SPATA18: variants seen among roughly 807,000 people sequenced by gnomAD.
The protein encoded by SPATA18 is mitochondria-eating protein.
A neutral mutation model predicts 68.1 loss-of-function variants in SPATA18; 54 were observed. The ratio of observed to expected loss-of-function variants is 0.79; its 90% CI spans 0.64 to 0.99. The LOEUF (loss-of-function observed/expected upper bound fraction) is 0.99. SPATA18 is among the 50% of genes least tolerant of loss of function. SPATA18 has a pLI of 0.00. For synonymous variants in SPATA18, 242 were observed against 244.8 expected (o/e 0.99, Z 0.11); for missense variants, 724 against 681.1 (o/e 1.06, Z -0.70).
rs759332144 is a variant in SPATA18, at chr4:52,095,125, A to G, written c.*238A>G. Reference sequence around the variant, plus strand: ...CCATTAATTTCATAAAAATGATTGTATAGGCATTTAGGATCATATTCATTC... The same window carrying G: ...CCATTAATTTCATAAAAATGATTGTGTAGGCATTTAGGATCATATTCATTC... On this transcript the variant is annotated 3_prime_UTR_variant, in exon 13 of 13. Coordinates refer to ENST00000295213, the MANE Select transcript of SPATA18 (RefSeq NM_145263.4). 1 of 563,128 alleles carries G rather than the reference A, an allele frequency of 1.8e-6. No individual in the cohort carries two copies. The highest frequency in any genetic ancestry group is 3.1e-6 in the Non-Finnish European group (1 of 320,598). The allele number at this position is 563,128 out of a possible 1,614,324, so 34.9% of individuals were successfully genotyped here.
chr4:52,080,021 T>A, intron 9 of SPATA18, 102 bp downstream of exon 9: 1 of 1,251,722 alleles, frequency 8.0e-7, no homozygotes, highest in South Asian at 1.5e-5. Flanking sequence ...GTGGAGAAAT[T>A]AACAGACACT....
chr4:52,083,333 C>T, intron 10 of SPATA18: 1 of 985,366 alleles, frequency 1.0e-6, no homozygotes, highest in Non-Finnish European at 1.2e-6. Flanking sequence ...TGTTTTATGG[C>T]AGCTTTCACA....
intron 1 of SPATA18, among the ~76,000 whole-genome samples, chr4:52,055,271 C>T (rs1373948022): frequency 6.6e-6 from 1 of 152,212 alleles, no homozygotes; most frequent in Non-Finnish European, 1.5e-5. Flanking sequence ...TTCAGTTCTA[C>T]ACTTATAACG....
intron 4 of SPATA18, among the ~76,000 whole-genome samples, chr4:52,065,321 T>C (rs942171848): frequency 5.3e-5 from 8 of 152,234 alleles, no homozygotes; most frequent in African/African-American, 1.9e-4. Context: ...TTTATTTTGG[T>C]TTTTGTTGCA....
At chr4:52,079,009 G>C in intron 8 of SPATA18, 116 bp downstream of exon 8, 1 of 1,145,780 alleles carries the variant, frequency 8.7e-7, no homozygotes, top group Non-Finnish European at 1.2e-6. Flanking sequence ...TAATGAAAAA[G>C]AAGAAAGGAA....
At chr4:52,061,595 A>T (rs1456683955) in intron 3 of SPATA18, among the ~76,000 whole-genome samples, 2 of 152,012 alleles carry the variant, frequency 1.3e-5, no homozygotes, top group Non-Finnish European at 2.9e-5. Flanking sequence ...CTGCTTGGAG[A>T]TCACTGAGCA....
chr4:52,086,675 T>C (rs1246868473), intron 11 of SPATA18, among the ~76,000 whole-genome samples: 2 of 152,210 alleles, frequency 1.3e-5, no homozygotes, highest in Non-Finnish European at 2.9e-5. Flanking sequence ...TTGATGGGCA[T>C]TTGGGTTGGT....
chr4:52,060,371 C>A, intron 1 of SPATA18, 48 bp from the exon 2 acceptor site: 1 of 1,506,394 alleles, frequency 6.6e-7, no homozygotes, highest in Non-Finnish European at 9.2e-7. Flanking sequence ...TGCAGTGGGT[C>A]CCAGAGTGAA....
chr4:52,060,295 G>A, intron 1 of SPATA18, 124 bp from the exon 2 acceptor site: 1 of 679,614 alleles, frequency 1.5e-6, no homozygotes, highest in Non-Finnish European at 2.6e-6. Flanking sequence ...TGACTACACA[G>A]CAGTCCTGCC....
intron 1 of SPATA18, among the ~76,000 whole-genome samples, chr4:52,056,566 C>G (rs1183930841): frequency 6.6e-6 from 1 of 152,076 alleles, no homozygotes; most frequent in Admixed American, 6.5e-5. Context: ...CTGACTTGTT[C>G]AAACCCAAAC....
chr4:52,094,625 C>G (rs181523856), intron 12 of SPATA18, 53 bp downstream of exon 12: 2 of 1,551,438 alleles, frequency 1.3e-6, no homozygotes, highest in African/African-American at 1.4e-5. Context: ...AATACTCCTT[C>G]TAGTACTTAG....
At chr4:52,089,919 A>C (rs935070291) in intron 11 of SPATA18, among the ~76,000 whole-genome samples, 1 of 152,138 alleles carries the variant, frequency 6.6e-6, no homozygotes, top group Non-Finnish European at 1.5e-5. Context: ...TGGGAGTATA[A>C]GTCTCTTTGT....
At chr4:52,052,239 TGGATTTGTATAAA>T in intron 1 of SPATA18, among the ~76,000 whole-genome samples, 1 of 152,308 alleles carries the variant, frequency 6.6e-6, no homozygotes, top group South Asian at 2.1e-4. Flanking sequence ...TGTATCAGAA[TGGATTTGTATAAA>T]CACACACCCA....
Position 52,060,442 on chromosome 4 carries a change from A to T in SPATA18, c.111A>T (p.Leu37=). Residue 37 remains leucine, a synonymous_variant, in exon 2 of 13, where the codon CTA becomes CTT. Coordinates refer to ENST00000295213, the MANE Select transcript of SPATA18 (RefSeq NM_145263.4). The stretch of plus-strand genomic sequence containing the variant: ...AGACAAACACGTGTGATCAAAATCT[A>T]AACCATTGCCTTGAACTCATTGAGC... ...EYNTNTCDQN[L]NHCLELIEQV... is the part of the protein sequence containing the mutation. 1 of 1,614,006 alleles carries T rather than the reference A, an allele frequency of 6.2e-7. No homozygotes were observed. The highest frequency in any genetic ancestry group is 8.5e-7 in the Non-Finnish European group (1 of 1,179,922).
chr4:52,053,867 G>C (rs1738111455), intron 1 of SPATA18, among the ~76,000 whole-genome samples: 1 of 152,166 alleles, frequency 6.6e-6, no homozygotes, highest in African/African-American at 2.4e-5. Flanking sequence ...TGTCAAGTCA[G>C]ATCAAGTTAC....
At chr4:52,065,614 A>G (rs553600707) in intron 4 of SPATA18, among the ~76,000 whole-genome samples, 8 of 152,160 alleles carry the variant, frequency 5.3e-5, no homozygotes, top group South Asian at 2.1e-4. Context: ...AATTTAAGGT[A>G]TCACTAAAAG....
At chr4:52,092,400 C>T (rs999799337) in intron 11 of SPATA18, among the ~76,000 whole-genome samples, 3 of 152,200 alleles carry the variant, frequency 2.0e-5, no homozygotes, top group East Asian at 1.9e-4. Flanking sequence ...ATGGGACAAG[C>T]GCAGCATCTG....
intron 1 of SPATA18, among the ~76,000 whole-genome samples, chr4:52,059,076 T>A (rs1315728081): frequency 6.6e-6 from 1 of 152,202 alleles, no homozygotes; most frequent in East Asian, 1.9e-4. Context: ...ACAGGGGCAC[T>A]GTAGAATGCA....
intron 11 of SPATA18, among the ~76,000 whole-genome samples, chr4:52,086,975 G>A (rs747903313): frequency 1.3e-5 from 2 of 152,146 alleles, no homozygotes; most frequent in Non-Finnish European, 2.9e-5. Flanking sequence ...GTGTGAGATG[G>A]TATCTCATTG....
Sources: gnomAD v4.1 joint callset for allele counts (sites outside exome capture counted in the v4.1 genomes callset) on GRCh38, gnomAD v4.1.1 for gene constraint, MANE v1.5 for transcripts, NCBI Gene and HGNC (gene_info 2026-07-23, HGNC 2026-07-21) for gene names.